CYP2C19: variants seen among roughly 807,000 people sequenced by gnomAD.
CYP2C19 encodes cytochrome P450 2C19.
In CYP2C19, 59 loss-of-function variants were observed where a neutral mutation model predicts 40.9. That is an observed-to-expected ratio of 1.44 (90% confidence interval 1.17 to 1.79). The LOEUF (loss-of-function observed/expected upper bound fraction) is 1.79, where lower values mean the gene tolerates loss of function less well. CYP2C19 is among the 40% of genes most tolerant of loss of function. The pLI is 0.00. For missense variants in CYP2C19, 754 were observed against 596.9 expected, an observed-to-expected ratio of 1.26 and a Z score of -2.74; for synonymous variants, 253 against 208.7, an observed-to-expected ratio of 1.21 and a Z score of -1.83.
intron 6 of CYP2C19, among the ~76,000 whole-genome samples, chr10:94,828,390 T>C (rs1204692208): frequency 1.3e-5 from 2 of 151,112 alleles, no homozygotes; most frequent in South Asian, 2.1e-4. Flanking sequence ...GCTCTTCTTG[T>C]TGAATTGATC....
chr10:94,801,929 C>CA (rs1483449023), intron 5 of CYP2C19, among the ~76,000 whole-genome samples: 1 of 151,934 alleles, frequency 6.6e-6, no homozygotes, highest in Non-Finnish European at 1.5e-5. Context: ...TGTTGCAGAC[C>CA]AAAAAAGTGA....
intron 5 of CYP2C19, among the ~76,000 whole-genome samples, chr10:94,812,455 A>G (rs1422422994): frequency 3.9e-5 from 6 of 152,022 alleles, no homozygotes; most frequent in African/African-American, 1.4e-4. Context: ...CCTGGATAAT[A>G]TCCTGAAGAA....
At chr10:94,790,725 G>A (rs960733083) in intron 5 of CYP2C19, among the ~76,000 whole-genome samples, 1 of 152,092 alleles carries the variant, frequency 6.6e-6, no homozygotes, top group African/African-American at 2.4e-5. Flanking sequence ...AAGCCAACTT[G>A]ATCGTGGTGG....
intron 7 of CYP2C19, among the ~76,000 whole-genome samples, chr10:94,846,493 T>G (rs1411147859): frequency 6.6e-6 from 1 of 152,172 alleles, no homozygotes; most frequent in Admixed American, 6.6e-5. Context: ...GTGTAAATGA[T>G]GAAAATCTAT....
chr10:94,806,319 G>A (rs1221219778), intron 5 of CYP2C19, among the ~76,000 whole-genome samples: 1 of 152,048 alleles, frequency 6.6e-6, no homozygotes, highest in Non-Finnish European at 1.5e-5. Context: ...TGGGCACTTG[G>A]ATTACTTTCA....
chr10:94,762,760 A>C lies in CYP2C19; in HGVS notation c.55A>C (p.Ile19Leu), dbSNP rs17882687. The C allele has an allele frequency of 1.5e-3, 2,405 of 1,613,924 alleles. 24 individuals carry two copies. The African/African-American group carries it at 0.02, about 14-fold the overall frequency. Residue 19 changes from isoleucine to leucine, a missense_variant, in exon 1 of 9, where the codon ATC becomes CTC. Coordinates refer to ENST00000371321, the MANE Select transcript of CYP2C19 (RefSeq NM_000769.4). ...LCLSCLLLLS[I>L]WRQSSGRGKL... ...TCTCTCATGTTTGCTTCTCCTTTCA[A>C]TCTGGAGACAGAGCTCTGGGAGAGG...
Position 94,853,407 on chromosome 10 carries a change from C to A in CYP2C19, c.*493C>A, listed in dbSNP as rs1849684668. Among the ~76,000 whole-genome samples, 2 of 152,194 alleles carry A rather than the reference C, an allele frequency of 1.3e-5. No homozygotes were observed. Among genetic ancestry groups the A allele is most frequent in the Admixed American group, 6.5e-5 (1 of 15,278 alleles). On this transcript the variant is annotated 3_prime_UTR_variant, in exon 9 of 9. Coordinates refer to ENST00000371321, the MANE Select transcript of CYP2C19 (RefSeq NM_000769.4). ...TGGTAGGGAAGCTATTTTGGCTGAGCATTACCAAAATTTAGAGTTACATGA... is the reference window on the plus strand; with the variant it reads ...TGGTAGGGAAGCTATTTTGGCTGAGAATTACCAAAATTTAGAGTTACATGA...
At chr10:94,848,317 C>A (rs941184205) in intron 7 of CYP2C19, among the ~76,000 whole-genome samples, 5 of 152,124 alleles carry the variant, frequency 3.3e-5, no homozygotes, top group African/African-American at 1.2e-4. Flanking sequence ...TTTCCCAGCA[C>A]CATTTATTAA....
At chr10:94,818,798 G>T (rs914631741) in intron 5 of CYP2C19, among the ~76,000 whole-genome samples, 14 of 150,802 alleles carry the variant, frequency 9.3e-5, no homozygotes, top group South Asian at 2.1e-4. Context: ...GGGCTGAGAC[G>T]ATGGGGTTTT....
intron 7 of CYP2C19, among the ~76,000 whole-genome samples, chr10:94,845,317 T>G (rs1049491712): frequency 2.0e-5 from 3 of 152,218 alleles, no homozygotes; most frequent in Admixed American, 2.0e-4. Flanking sequence ...ATCTTCCAAT[T>G]TTTATAGAAA....
intron 6 of CYP2C19, among the ~76,000 whole-genome samples, chr10:94,829,275 A>G (rs547764009): frequency 1.3e-5 from 2 of 152,196 alleles, no homozygotes; most frequent in East Asian, 1.9e-4. Flanking sequence ...ACTTGTTTCC[A>G]TTCTCCCCAT....
Position 94,855,388 on chromosome 10 carries a change from C to T in CYP2C19, c.*2474C>T, listed in dbSNP as rs1419573862. On this transcript the variant is annotated 3_prime_UTR_variant, in exon 9 of 9. Coordinates refer to ENST00000371321, the MANE Select transcript of CYP2C19 (RefSeq NM_000769.4). The stretch of plus-strand genomic sequence containing the variant: ...CAATCTGACTGGAAAGTAGAAGTTG[C>T]TAACAACTTTGCTAATTCTCTGCAT... Among the ~76,000 whole-genome samples, 1 of 152,210 alleles carries T rather than the reference C, an allele frequency of 6.6e-6. No individual in the cohort carries two copies. Among genetic ancestry groups the T allele is most frequent in the African/African-American group, 2.4e-5 (1 of 41,454 alleles).
Position 94,843,880 on chromosome 10 carries a change from T to C in CYP2C19, c.1149+856T>C, listed in dbSNP as rs112011612. 2.3e-3 allele frequency among the ~76,000 whole-genome samples: 354 copies of C among 152,352 alleles called. 1 individual carries two copies. The highest frequency in any genetic ancestry group is 7.4e-3 in the African/African-American group (307 of 41,598). ...GCAGTGGAAGTTTTACATTTCAATA[T>C]TGAAAATGATGCTAGAAGTAGATTT... On this transcript the variant is annotated intron_variant, in intron 7 of 8. Transcript: ENST00000371321.
intron 5 of CYP2C19, among the ~76,000 whole-genome samples, chr10:94,812,883 T>C (rs1848946965): frequency 6.6e-6 from 1 of 152,126 alleles, no homozygotes; most frequent in Non-Finnish European, 1.5e-5. Context: ...AAATTCTTTC[T>C]CTGTCCAGTT....
intron 5 of CYP2C19, among the ~76,000 whole-genome samples, chr10:94,818,599 C>T (rs1236803769): frequency 7.0e-6 from 1 of 143,102 alleles, no homozygotes; most frequent in Non-Finnish European, 1.5e-5. Context: ...TTGAAGAGGT[C>T]CTTCACATCC....
chr10:94,853,319 T>C lies in CYP2C19; in HGVS notation c.*405T>C, dbSNP rs1473123947. On this transcript the variant is annotated 3_prime_UTR_variant, in exon 9 of 9. Transcript: ENST00000371321. ...AATGCAGGTGACAAATTAAAGAAAA[T>C]AGAGTTCCAGGAGGCCATGCTGGTT... 5 of 394,822 alleles carry C rather than the reference T, an allele frequency of 1.3e-5. No homozygotes were observed. The East Asian group carries it at 4.8e-4, about 38-fold the overall frequency. The allele number at this position is 394,822 out of a possible 1,614,324, so 24.5% of individuals were successfully genotyped here. A position where few individuals can be genotyped will look rare whatever the true frequency, so the allele number is the denominator to read the frequency against.
rs866807660 is a variant in CYP2C19, at chr10:94,824,815, C to G, written c.961+4178C>G. 5.1e-5 allele frequency among the ~76,000 whole-genome samples: 6 copies of G among 118,194 alleles called. No individual in the cohort carries two copies. The South Asian group carries it at 2.0e-3, about 40-fold the overall frequency. The allele number at this position is 118,194 out of a possible 152,430, so 77.5% of individuals were successfully genotyped here. A position where few individuals can be genotyped will look rare whatever the true frequency, so the allele number is the denominator to read the frequency against. ...ATGCTATCCCTCCCCCCTCCCCCCA[C>G]CCCACATCAGTCCCCAGAGTGTGAT... On this transcript the variant is annotated intron_variant, in intron 6 of 8. Coordinates refer to ENST00000371321, the MANE Select transcript of CYP2C19 (RefSeq NM_000769.4).
In CYP2C19 at chr10:94,762,711, T is replaced by A; in HGVS notation, c.6T>A (p.Asp2Glu). The A allele has an allele frequency of 1.2e-6, 2 of 1,613,304 alleles. No homozygotes were observed. The highest frequency in any genetic ancestry group is 8.5e-7 in the Non-Finnish European group (1 of 1,179,666). The change falls in exon 1 of 9, where the codon GAT (aspartate) becomes GAA (glutamate). Residue 2 changes from aspartate (D) to glutamate (E), a missense_variant. Coordinates refer to ENST00000371321, the MANE Select transcript of CYP2C19 (RefSeq NM_000769.4). M[D>E]PFVVLVLCLS... is the part of the protein sequence containing the mutation. ...AACAAGAGGAGAAGGCTTCAATGGA[T>A]CCTTTTGTGGTCCTTGTGCTCTGTC...
At chr10:94,779,829 G>A (rs1449056476) in intron 3 of CYP2C19, among the ~76,000 whole-genome samples, 3 of 151,840 alleles carry the variant, frequency 2.0e-5, no homozygotes, top group Non-Finnish European at 4.4e-5. Context: ...CAAAGTGCTG[G>A]GATTACAGGC....
Sources: gnomAD v4.1 joint callset for allele counts (sites outside exome capture counted in the v4.1 genomes callset) on GRCh38, gnomAD v4.1.1 for gene constraint, MANE v1.5 for transcripts, NCBI Gene and HGNC (gene_info 2026-07-23, HGNC 2026-07-21) for gene names.